The following C10orf71 variants were observed in gnomAD, a reference collection of about 807,000 sequenced individuals.
C10orf71 encodes cardiac-enriched FHL2-interacting protein.
For synonymous variants in C10orf71, 758 were observed against 726.3 expected (o/e 1.04, Z -0.70); for missense variants, 1,869 against 1,804.5 (o/e 1.04, Z -0.65).
chr10:49,317,507 G>A (rs776661287), intron 2 of C10orf71, among the ~76,000 whole-genome samples: 1 of 152,162 alleles, frequency 6.6e-6, no homozygotes, highest in Non-Finnish European at 1.5e-5. Flanking sequence ...ACTTAAAGAC[G>A]AGGTTATTAA....
chr10:49,326,395 G>T lies in C10orf71; in HGVS notation c.3850G>T (p.Glu1284Ter). The change falls in exon 3 of 3, where the codon GAG (glutamate) becomes TAG (stop). Residue 1284 changes from glutamate (E) to a stop codon, truncating the protein, a stop_gained. Transcript: ENST00000374144. LOFTEE classifies it low-confidence loss of function (END_TRUNC). ...GGTCCTCCAGGATCCGCAGTCCGGG[G>T]AGTACTTTGTCTTCGACTTGCCACT... ...QKVLQDPQSG[E>*]YFVFDLPLQV... is the part of the protein sequence containing the mutation. 1 of 1,550,560 alleles carries T rather than the reference G, an allele frequency of 6.4e-7. No individual in the cohort carries two copies. The highest frequency in any genetic ancestry group is 8.7e-7 in the Non-Finnish European group (1 of 1,146,900).
chr10:49,301,193 G>A (rs7904886), intron 1 of C10orf71, among the ~76,000 whole-genome samples: 1,979 of 152,288 alleles, frequency 0.013, 41 homozygotes, highest in African/African-American at 0.043. Context: ...CTGGGTTACT[G>A]GAGGGAAGCA....
intron 1 of C10orf71, among the ~76,000 whole-genome samples, chr10:49,311,021 C>A (rs1021904587): frequency 6.6e-6 from 1 of 152,104 alleles, no homozygotes; most frequent in Non-Finnish European, 1.5e-5. Flanking sequence ...CCATGCCAGA[C>A]CACCAACTGT....
Position 49,327,155 on chromosome 10 carries a change from T to A in C10orf71, c.*302T>A, listed in dbSNP as rs950594234. 54 of 847,604 alleles carry A rather than the reference T, an allele frequency of 6.4e-5. 2 individuals carry two copies. The South Asian group carries it at 8.4e-4, about 13-fold the overall frequency. 52.5% of individuals were successfully genotyped at this position (847,604 alleles called of 1,614,324 possible). Reference sequence around the variant, plus strand: ...CCTTCTCCCTCCCTCCCTTCCTCCCTCTCCTGGCCCACCCTGCTCTTCCCT... The same window carrying A: ...CCTTCTCCCTCCCTCCCTTCCTCCCACTCCTGGCCCACCCTGCTCTTCCCT... On this transcript the variant is annotated 3_prime_UTR_variant, in exon 3 of 3. Transcript: ENST00000374144.
chr10:49,317,200 T>C (rs1849013027), intron 2 of C10orf71, among the ~76,000 whole-genome samples: 1 of 152,174 alleles, frequency 6.6e-6, no homozygotes, highest in South Asian at 2.1e-4. Context: ...ACCTGACTCA[T>C]AGTGGTCAAA....
At position 49,324,081 on chromosome 10, in the gene C10orf71, C is replaced by T. The variant is rs765766954; in HGVS notation, c.1536C>T (p.Ser512=). 6.2e-7 allele frequency: 1 copy of T among 1,613,962 alleles called. No homozygotes were observed. The highest frequency in any genetic ancestry group is 1.1e-5 in the South Asian group (1 of 91,080). Reference sequence around the variant, plus strand: ...AGGACGTGCGGAAGCGTGTTAAGAGCACATACAGTTCCTCACCTCTCTTGA... The same window carrying T: ...AGGACGTGCGGAAGCGTGTTAAGAGTACATACAGTTCCTCACCTCTCTTGA... ...NLKDVRKRVK[S]TYSSSPLLKV... Residue 512 remains serine, a synonymous_variant, in exon 3 of 3, where the codon AGC becomes AGT. Transcript: ENST00000374144.
chr10:49,314,637 C>T (rs1255424069), intron 1 of C10orf71, among the ~76,000 whole-genome samples: 2 of 152,196 alleles, frequency 1.3e-5, no homozygotes, highest in Non-Finnish European at 2.9e-5. Context: ...TGTCGTTCTG[C>T]ACCTCCGTCT....
rs1456106503 is a variant in C10orf71 at position 49,326,576 on chromosome 10, C to A, written c.4031C>A (p.Thr1344Lys). 1 of 1,550,552 alleles carries A rather than the reference C, an allele frequency of 6.4e-7. No homozygotes were observed. Among genetic ancestry groups the A allele is most frequent in the African/African-American group, 1.4e-5 (1 of 73,046 alleles). ...CCCGGCTTCCAGCCAGTGCCCGTGACGGCCTTGATGCCGCTGCGCTGCTCC... is the reference window on the plus strand; with the variant it reads ...CCCGGCTTCCAGCCAGTGCCCGTGAAGGCCTTGATGCCGCTGCGCTGCTCC... The part of the protein sequence containing the change: ...LYPGFQPVPV[T>K]ALMPLRCSSQ... Residue 1344 changes from threonine to lysine, a missense_variant, in exon 3 of 3, where the codon ACG (threonine) becomes AAG (lysine). Coordinates refer to ENST00000374144, the MANE Select transcript of C10orf71 (RefSeq NM_001135196.2).
chr10:49,298,671 T>G (rs1848674580), upstream of C10orf71: 1 of 152,238 alleles, frequency 6.6e-6, no homozygotes, highest in Admixed American at 6.5e-5. Flanking sequence ...GTAGCCAAGC[T>G]TACCAAGTGG....
intron 2 of C10orf71, among the ~76,000 whole-genome samples, chr10:49,317,686 A>G (rs1199581907): frequency 6.6e-6 from 1 of 152,182 alleles, no homozygotes; most frequent in Non-Finnish European, 1.5e-5. Context: ...CTCCATTTAT[A>G]CAAAAAATAG....
At chr10:49,320,823 C>G (rs373140766) in intron 2 of C10orf71, among the ~76,000 whole-genome samples, 1 of 152,212 alleles carries the variant, frequency 6.6e-6, no homozygotes, top group East Asian at 1.9e-4. Context: ...GTTGATGACA[C>G]AGCTCCAATC....
chr10:49,314,434 A>G (rs1335953292), intron 1 of C10orf71, among the ~76,000 whole-genome samples: 1 of 152,216 alleles, frequency 6.6e-6, no homozygotes, highest in Non-Finnish European at 1.5e-5. Context: ...GTGCTCTATG[A>G]GCAAGAATTT....
At chr10:49,301,001 T>C (rs1422518400) in intron 1 of C10orf71, among the ~76,000 whole-genome samples, 2 of 152,132 alleles carry the variant, frequency 1.3e-5, no homozygotes, top group Non-Finnish European at 2.9e-5. Flanking sequence ...GAAGTAAGTG[T>C]CTTTGTCTTT....
intron 1 of C10orf71, among the ~76,000 whole-genome samples, chr10:49,307,381 C>T (rs1848832998): frequency 6.6e-6 from 1 of 152,216 alleles, no homozygotes; most frequent in Admixed American, 6.5e-5. Context: ...GAGCTCCTTC[C>T]TAGTGGAAGG....
chr10:49,322,934 T>C lies in C10orf71; in HGVS notation c.389T>C (p.Val130Ala), dbSNP rs1283719281. The C allele has an allele frequency of 6.2e-7, 1 of 1,613,896 alleles. No individual in the cohort carries two copies. The highest frequency in any genetic ancestry group is 1.7e-5 in the Admixed American group (1 of 60,016). ...TPVQRRLEVP[V>A]SGLRSSNKPV... is the part of the protein sequence containing the mutation. ...GTCCAGAGGAGACTGGAGGTGCCAG[T>C]TTCCGGCCTAAGGAGCAGCAATAAG... The change falls in exon 3 of 3, where the codon GTT becomes GCT. Residue 130 changes from valine (V) to alanine (A), a missense_variant. By Grantham distance (64) the Val-to-Ala change is moderately conservative. Coordinates refer to ENST00000374144, the MANE Select transcript of C10orf71 (RefSeq NM_001135196.2).
In C10orf71 at chr10:49,324,240, C is replaced by G; in HGVS notation, c.1695C>G (p.Pro565=). The change falls in exon 3 of 3, where the codon CCC becomes CCG. Residue 565 remains proline, a synonymous_variant. Coordinates refer to ENST00000374144, the MANE Select transcript of C10orf71 (RefSeq NM_001135196.2). ...ELSKERPADD[P]TASHINPQKD... The stretch of plus-strand genomic sequence containing the variant: ...CTAAGGAGAGACCCGCTGATGACCC[C>G]ACTGCATCACACATCAATCCCCAGA... 1 of 1,613,958 alleles carries G rather than the reference C, an allele frequency of 6.2e-7. No individual in the cohort carries two copies. The highest frequency in any genetic ancestry group is 2.2e-5 in the East Asian group (1 of 44,880).
rs149525914 is a variant in C10orf71 at position 49,310,912 on chromosome 10, G to A, written c.-247-5233G>A. On this transcript the variant is annotated intron_variant, in intron 1 of 2. Coordinates refer to ENST00000374144, the MANE Select transcript of C10orf71 (RefSeq NM_001135196.2). ...AGTATGAGTGTATCCCACATATTGCGTGGGATACACTTACACTAAAAAAGT... is the reference window on the plus strand; with the variant it reads ...AGTATGAGTGTATCCCACATATTGCATGGGATACACTTACACTAAAAAAGT... Among the ~76,000 whole-genome samples the A allele has an allele frequency of 3.4e-3, 512 of 152,154 alleles. 2 individuals are homozygous for A. The highest frequency in any genetic ancestry group is 0.011 in the African/African-American group (455 of 41,502).
At chr10:49,311,293 C>T (rs1848909753) in intron 1 of C10orf71, among the ~76,000 whole-genome samples, 1 of 152,232 alleles carries the variant, frequency 6.6e-6, no homozygotes, top group Non-Finnish European at 1.5e-5. Flanking sequence ...TTCTCCCCTA[C>T]ACTTCCCGTC....
chr10:49,318,571 T>G (rs1849038519), intron 2 of C10orf71, among the ~76,000 whole-genome samples: 1 of 152,238 alleles, frequency 6.6e-6, no homozygotes, highest in African/African-American at 2.4e-5. Flanking sequence ...TCCAGCTTAG[T>G]TCTGTCTTTC....
Sources: gnomAD v4.1 joint callset for allele counts (sites outside exome capture counted in the v4.1 genomes callset) on GRCh38, gnomAD v4.1.1 for gene constraint, MANE v1.5 for transcripts, NCBI Gene and HGNC (gene_info 2026-07-23, HGNC 2026-07-21) for gene names.